CENPW: variants seen among roughly 807,000 people sequenced by gnomAD.
CENPW encodes the protein cancer-up-regulated gene 2 protein.
CENPW carries 3 observed loss-of-function variants against 11.1 expected under a neutral mutation model. The observed-to-expected ratio is 0.27, with a 90% CI of 0.12 to 0.70. The LOEUF is 0.70. Among genes scored for constraint, CENPW ranks in the 30% least tolerant of loss-of-function variants. CENPW has a pLI of 0.77. For synonymous variants in CENPW, 38 were observed against 42.0 expected (o/e 0.91, Z 0.37); for missense variants, 100 against 105.6 (o/e 0.95, Z 0.23).
chr6:126,360,169 C>T, the CENPW span, among the ~76,000 whole-genome samples: 2 of 152,028 alleles, frequency 1.3e-5, no homozygotes, highest in African/African-American at 4.8e-5. Context: ...TTTTATTTTT[C>T]CTTTGCTTAT....
chr6:126,397,572 G>T, the CENPW span, among the ~76,000 whole-genome samples: 286 of 151,872 alleles, frequency 1.9e-3, 1 homozygote, highest in Non-Finnish European at 2.5e-3. Context: ...GATTTTTTTT[G>T]TGTGTGTGTA....
At chr6:126,425,234 C>A in the CENPW span, among the ~76,000 whole-genome samples, 11 of 152,012 alleles carry the variant, frequency 7.2e-5, no homozygotes, top group South Asian at 2.3e-3. Flanking sequence ...AAAATTTGTA[C>A]CCTCCAAATC....
chr6:126,359,296 T>G, the CENPW span, among the ~76,000 whole-genome samples: 1 of 151,942 alleles, frequency 6.6e-6, no homozygotes, highest in Non-Finnish European at 1.5e-5. Context: ...TTGATATGAT[T>G]TCTTTTCTTT....
At chr6:126,417,796 T>C in the CENPW span, among the ~76,000 whole-genome samples, 2 of 152,180 alleles carry the variant, frequency 1.3e-5, no homozygotes, top group South Asian at 2.1e-4. Flanking sequence ...CATTTGGTAA[T>C]ATGAAAAGGT....
the CENPW span, among the ~76,000 whole-genome samples, chr6:126,430,658 A>G: frequency 2.0e-5 from 3 of 152,092 alleles, no homozygotes; most frequent in African/African-American, 4.8e-5. Context: ...TATAAAGATT[A>G]TTATTGACTC....
chr6:126,357,412 G>T, the CENPW span, among the ~76,000 whole-genome samples: 1 of 151,986 alleles, frequency 6.6e-6, no homozygotes, highest in Admixed American at 6.6e-5. Flanking sequence ...GGCTGTTTGT[G>T]TTCTTTTTGG....
the CENPW span, among the ~76,000 whole-genome samples, chr6:126,358,317 A>G: frequency 6.6e-6 from 1 of 152,036 alleles, no homozygotes; most frequent in African/African-American, 2.4e-5. Flanking sequence ...CCTTCTGCCT[A>G]TTCAGTATGA....
At chr6:126,398,619 A>G in the CENPW span, among the ~76,000 whole-genome samples, 1 of 151,972 alleles carries the variant, frequency 6.6e-6, no homozygotes, top group Non-Finnish European at 1.5e-5. Context: ...TTTCAGTTCT[A>G]TTACTTTTAT....
chr6:126,418,839 C>T, the CENPW span, among the ~76,000 whole-genome samples: 2 of 149,826 alleles, frequency 1.3e-5, no homozygotes, highest in South Asian at 4.2e-4. Flanking sequence ...GGACAAAAAG[C>T]CGAACACCGC....
chr6:126,462,559 C>A, the CENPW span, among the ~76,000 whole-genome samples: 1 of 147,812 alleles, frequency 6.8e-6, no homozygotes, highest in Admixed American at 6.7e-5. Flanking sequence ...CACACACACA[C>A]GCATCTTCTC....
chr6:126,430,830 G>T, the CENPW span, among the ~76,000 whole-genome samples: 1 of 151,996 alleles, frequency 6.6e-6, no homozygotes, highest in Non-Finnish European at 1.5e-5. Context: ...TGAGGCAGGA[G>T]AATTGCTTGA....
the CENPW span, among the ~76,000 whole-genome samples, chr6:126,391,383 T>G: frequency 2.0e-5 from 3 of 151,934 alleles, no homozygotes; most frequent in Non-Finnish European, 4.4e-5. Flanking sequence ...CCTTTTCAGA[T>G]AGGTAGTTGA....
the CENPW span, among the ~76,000 whole-genome samples, chr6:126,444,729 T>C: frequency 6.6e-6 from 1 of 151,260 alleles, no homozygotes; most frequent in African/African-American, 2.4e-5. Context: ...TTTCCTGGCA[T>C]GCCTCTATTA....
Position 126,340,248 on chromosome 6 carries a change from G to A in CENPW, c.-26G>A, listed in dbSNP as rs764549124. 4.3e-6 allele frequency: 7 copies of A among 1,611,840 alleles called. No individual in the cohort carries two copies. The East Asian group carries it at 1.6e-4, about 36-fold the overall frequency. On this transcript the variant is annotated 5_prime_UTR_variant, in exon 1 of 3. Transcript: ENST00000368328. ...CGATACAGAGAGCACCTCGGAAGCTGAGGCAGCTGGTACTTGACAGAGAGG... is the reference window on the plus strand; with the variant it reads ...CGATACAGAGAGCACCTCGGAAGCTAAGGCAGCTGGTACTTGACAGAGAGG...
At chr6:126,362,482 T>C in the CENPW span, among the ~76,000 whole-genome samples, 1 of 152,200 alleles carries the variant, frequency 6.6e-6, no homozygotes, top group Non-Finnish European at 1.5e-5. Flanking sequence ...CTCTTCAGCC[T>C]CAGTGTTACT....
chr6:126,448,155 T>C, the CENPW span, among the ~76,000 whole-genome samples: 1 of 151,148 alleles, frequency 6.6e-6, no homozygotes, highest in Non-Finnish European at 1.5e-5. Context: ...AGCATCAGCA[T>C]CACCTGGGAG....
the CENPW span, among the ~76,000 whole-genome samples, chr6:126,476,267 G>A: frequency 3.3e-5 from 5 of 151,872 alleles, no homozygotes; most frequent in African/African-American, 1.2e-4. Context: ...TACATTTTGT[G>A]ATGATTTTCC....
At chr6:126,427,500 C>G in the CENPW span, among the ~76,000 whole-genome samples, 1 of 152,166 alleles carries the variant, frequency 6.6e-6, no homozygotes, top group Admixed American at 6.6e-5. Flanking sequence ...AAAGCCACAT[C>G]TATCTACATT....
At chr6:126,365,626 G>A in the CENPW span, among the ~76,000 whole-genome samples, 3 of 152,150 alleles carry the variant, frequency 2.0e-5, no homozygotes, top group Non-Finnish European at 4.4e-5. Flanking sequence ...AGATTTGGGT[G>A]GGGACACAGA....
Sources: gnomAD v4.1 joint callset for allele counts (sites outside exome capture counted in the v4.1 genomes callset) on GRCh38, gnomAD v4.1.1 for gene constraint, MANE v1.5 for transcripts, NCBI Gene and HGNC (gene_info 2026-07-23, HGNC 2026-07-21) for gene names.